Variants in UMODL1 observed in about 807,000 individuals in gnomAD.
UMODL1 encodes uromodulin-like 1.
UMODL1 carries 128 observed loss-of-function variants against 136.3 expected under a neutral mutation model. The observed-to-expected ratio is 0.94, with a 90% CI of 0.81 to 1.09. UMODL1 has a LOEUF of 1.09. Among genes scored for constraint, UMODL1 ranks in the 50% least tolerant of loss-of-function variants. UMODL1 has a pLI of 0.00. For synonymous variants in UMODL1, 721 were observed against 720.0 expected (o/e 1.00, Z -0.02); for missense variants, 1,766 against 1,725.6 (o/e 1.02, Z -0.41).
chr21:42,070,009 C>T (rs1465790398), upstream of UMODL1, among the ~76,000 whole-genome samples: 1 of 152,178 alleles, frequency 6.6e-6, no homozygotes, highest in East Asian at 1.9e-4. Flanking sequence ...AGCCCCTTTG[C>T]TGTGAGATCA....
chr21:42,091,302 G>A (rs1332238171), intron 6 of UMODL1, among the ~76,000 whole-genome samples: 1 of 152,196 alleles, frequency 6.6e-6, no homozygotes, highest in South Asian at 2.1e-4. Flanking sequence ...GGATAAGCTG[G>A]GACCATCCCT....
At chr21:42,106,320 T>C (rs11203184) in intron 9 of UMODL1, among the ~76,000 whole-genome samples, 48,499 of 152,070 alleles carry the variant, frequency 0.32, 8,007 homozygotes, top group African/African-American at 0.4. Context: ...ACATTTGATA[T>C]TACTCGGCAA....
chr21:42,093,562 T>G (rs181153248), intron 6 of UMODL1: 1 of 221,386 alleles, frequency 4.5e-6, no homozygotes, highest in Non-Finnish European at 9.2e-6. Flanking sequence ...GGGCGAGGGG[T>G]TGGGGGAGTG....
intron 9 of UMODL1, among the ~76,000 whole-genome samples, chr21:42,106,605 T>G (rs2066723362): frequency 6.6e-6 from 1 of 152,006 alleles, no homozygotes; most frequent in Non-Finnish European, 1.5e-5. Context: ...GCTGTGTAGG[T>G]GGCCATGTGT....
At position 42,111,008 on chromosome 21, in the gene UMODL1, C is replaced by G; in HGVS notation, c.1786C>G (p.Gln596Glu). ...FTLSPSPGYP[Q>E]GTPAAGQAWT... is the part of the protein sequence containing the mutation. Reference sequence around the variant, plus strand: ...CTTGTCACCCAGTCCTGGGTACCCTCAGGGCACCCCGGCAGCAGGCCAGGC... The same window carrying G: ...CTTGTCACCCAGTCCTGGGTACCCTGAGGGCACCCCGGCAGCAGGCCAGGC... Residue 596 changes from glutamine to glutamate, a missense_variant, in exon 11 of 23, where the codon CAG (glutamine) becomes GAG (glutamate). Coordinates refer to ENST00000408910, the MANE Select transcript of UMODL1 (RefSeq NM_001004416.3). The G allele has an allele frequency of 1.2e-6, 2 of 1,612,854 alleles. No individual in the cohort carries two copies. The highest frequency in any genetic ancestry group is 1.7e-6 in the Non-Finnish European group (2 of 1,179,656).
Position 42,111,147 on chromosome 21 carries a change from G to A in UMODL1, c.1899+26G>A, listed in dbSNP as rs749580639. On this transcript the variant is annotated intron_variant, in intron 11 of 22. Transcript: ENST00000408910. ...GTGCCCAGCACTGCCCCGGGTCTGG[G>A]GATGGACCAGGGGAGCCCCAGCCAG... The A allele has an allele frequency of 1.9e-6, 3 of 1,593,538 alleles. No homozygotes were observed. In the South Asian group the frequency reaches 3.4e-5, roughly 18 times the overall value.
chr21:42,120,479 C>T (rs188781157), intron 15 of UMODL1: 5 of 152,346 alleles, frequency 3.3e-5, no homozygotes, highest in East Asian at 1.9e-4. Flanking sequence ...CAGGTGTCCC[C>T]GCCCCGGGCT....
intron 22 of UMODL1, among the ~76,000 whole-genome samples, chr21:42,140,961 G>A (rs970463132): frequency 2.0e-5 from 3 of 152,170 alleles, no homozygotes; most frequent in Non-Finnish European, 4.4e-5. Context: ...CAACCCCATT[G>A]CCTCCCATCC....
chr21:42,067,906 C>T (rs937616173), upstream of UMODL1, among the ~76,000 whole-genome samples: 5 of 152,170 alleles, frequency 3.3e-5, no homozygotes, highest in East Asian at 1.9e-4. Flanking sequence ...AAAAGTCATT[C>T]GGGCTGTGAT....
At chr21:42,141,898 C>T (rs1028845243) in intron 22 of UMODL1, among the ~76,000 whole-genome samples, 198 bp from the exon 23 acceptor site, 2 of 152,202 alleles carry the variant, frequency 1.3e-5, no homozygotes, top group Non-Finnish European at 2.9e-5. Flanking sequence ...CAGGCACAGC[C>T]CCATGGTCCC....
chr21:42,124,597 G>T (rs2067026766), intron 17 of UMODL1, among the ~76,000 whole-genome samples: 1 of 152,140 alleles, frequency 6.6e-6, no homozygotes, highest in Non-Finnish European at 1.5e-5. Flanking sequence ...GGCCTGGTGG[G>T]AAAGTGGGGC....
intron 21 of UMODL1, among the ~76,000 whole-genome samples, chr21:42,135,332 C>T (rs74338794): frequency 0.13 from 20,078 of 152,262 alleles, 1,718 homozygotes; most frequent in Non-Finnish European, 0.18. Flanking sequence ...GTAACCATTC[C>T]TGGACTTTGG....
At chr21:42,072,674 T>C (rs976250889) in intron 1 of UMODL1, among the ~76,000 whole-genome samples, 1 of 152,254 alleles carries the variant, frequency 6.6e-6, no homozygotes, top group African/African-American at 2.4e-5. Flanking sequence ...ATGGCTGTTA[T>C]TTCACAGATG....
intron 1 of UMODL1, 92 bp downstream of exon 1, chr21:42,071,484 C>A: frequency 7.8e-7 from 1 of 1,288,278 alleles, no homozygotes; most frequent in Non-Finnish European, 1.0e-6. Flanking sequence ...GAGACCTGGG[C>A]AGGCAAGGAC....
At chr21:42,139,425 G>A (rs943336456) in intron 22 of UMODL1, among the ~76,000 whole-genome samples, 1 of 152,120 alleles carries the variant, frequency 6.6e-6, no homozygotes, top group African/African-American at 2.4e-5. Context: ...AGCACCAAGA[G>A]GATGGTGCTA....
At chr21:42,069,242 A>AC (rs66518149), upstream of UMODL1, among the ~76,000 whole-genome samples, 3 of 150,902 alleles carry the variant, frequency 2.0e-5, no homozygotes, top group South Asian at 2.1e-4. Context: ...ACACACACAC[A>AC]CACACACACA....
At position 42,127,055 on chromosome 21, in the gene UMODL1, G is replaced by T. The variant is rs80040922; in HGVS notation, c.3343G>T (p.Glu1115Ter). ...DLHGAGNFVT[E>*]MQLFIGDSPI... Reference sequence around the variant, plus strand: ...CCACGGCGCTGGGAATTTTGTTACCGAAATGCAGTTGTTTATCGGAGACTC... The same window carrying T: ...CCACGGCGCTGGGAATTTTGTTACCTAAATGCAGTTGTTTATCGGAGACTC... Residue 1115 changes from glutamate (E) to a stop codon, truncating the protein, a stop_gained, in exon 19 of 23, where the codon GAA becomes TAA. Transcript: ENST00000408910. LOFTEE classifies it high-confidence loss of function. 7.4e-6 allele frequency: 12 copies of T among 1,614,010 alleles called. No homozygotes were observed. In the African/African-American group the frequency reaches 1.6e-4, roughly 22 times the overall value.
chr21:42,090,432 T>C lies in UMODL1; in HGVS notation c.925T>C (p.Trp309Arg), dbSNP rs1348348653. ...GTCTCCACGGAAGCTGAACCTGGAG[T>C]GGGAAGGTAATGGCTAGGCTCTCTC... Reference protein sequence around the residue: ...ATSPRKLNLEWEDCPPVSDYV... With the variant: ...ATSPRKLNLEREDCPPVSDYV... Residue 309 changes from tryptophan (W) to arginine (R), a missense_variant, in exon 6 of 23, where the codon TGG becomes CGG. Transcript: ENST00000408910. 6.2e-7 allele frequency: 1 copy of C among 1,613,352 alleles called. No individual in the cohort carries two copies. Among genetic ancestry groups the C allele is most frequent in the Non-Finnish European group, 8.5e-7 (1 of 1,179,802 alleles).
Position 42,099,259 on chromosome 21 carries a change from G to A in UMODL1, c.1186+79G>A, listed in dbSNP as rs220313. 73 of 1,537,938 alleles carry A rather than the reference G, an allele frequency of 4.7e-5. No homozygotes were observed. In the African/African-American group the frequency reaches 6.2e-4, roughly 13 times the overall value. On this transcript the variant is annotated intron_variant, in intron 7 of 22. Transcript: ENST00000408910. This position sits in a 1 kb window ranked among gnomAD's most constrained non-coding sequence, Gnocchi z 4.1. The stretch of plus-strand genomic sequence containing the variant: ...CAGGTCTGTGGCCCTAGCATGTCGC[G>A]TTCTTCTTCCTATAACCAGGGCACC...
Sources: gnomAD v4.1 joint callset for allele counts (sites outside exome capture counted in the v4.1 genomes callset) on GRCh38, gnomAD v4.1.1 for gene constraint, Gnocchi (gnomAD v3.1) non-coding constraint, MANE v1.5 for transcripts, NCBI Gene and HGNC (gene_info 2026-07-23, HGNC 2026-07-21) for gene names.